The following DTD1 variants were observed in gnomAD, a reference collection of about 807,000 sequenced individuals.
DTD1 encodes the protein D-aminoacyl-tRNA deacylase 1, also known as D-tyrosyl-tRNA deacylase 1 homolog.
Under a neutral mutation model 25.6 loss-of-function variants are expected in DTD1, and 13 were observed. That is an observed-to-expected ratio of 0.51 (90% CI 0.33 to 0.81). The LOEUF (loss-of-function observed/expected upper bound fraction) is 0.81, where lower values mean the gene tolerates loss of function less well. DTD1 is among the 30% of genes least tolerant of loss of function. DTD1 has a pLI of 0.02. For missense variants in DTD1, 193 were observed against 266.4 expected (o/e 0.72, Z 1.92); for synonymous variants, 110 against 103.6 (o/e 1.06, Z -0.37).
intron 4 of DTD1, among the ~76,000 whole-genome samples, chr20:18,669,647 C>T (rs1361700468): frequency 1.3e-5 from 2 of 152,250 alleles, no homozygotes; most frequent in South Asian, 2.1e-4. Context: ...TCACTCACCC[C>T]TCTCCCCAGC....
At chr20:18,723,019 A>T (rs192277113) in intron 4 of DTD1, among the ~76,000 whole-genome samples, 1 of 152,244 alleles carries the variant, frequency 6.6e-6, no homozygotes, top group African/African-American at 2.4e-5. Context: ...TCAGTTAATG[A>T]TATGAAGTTT....
At chr20:18,697,542 AG>A (rs1226093321) in intron 4 of DTD1, among the ~76,000 whole-genome samples, 1 of 152,238 alleles carries the variant, frequency 6.6e-6, no homozygotes, top group Admixed American at 6.5e-5. Context: ...CATCCCTAAT[AG>A]AAACATTCAA....
At chr20:18,630,123 T>TA (rs11480233) in intron 4 of DTD1, among the ~76,000 whole-genome samples, 83,401 of 151,592 alleles carry the variant, frequency 0.55, 23,505 homozygotes, top group African/African-American at 0.59. Context: ...CTAATGACAT[T>TA]AAAAAAATCA....
intron 4 of DTD1, chr20:18,632,601 TCA>T (rs902098412): frequency 5.1e-6 from 5 of 984,516 alleles, no homozygotes; most frequent in Non-Finnish European, 6.0e-6. Context: ...CTTTTAATTC[TCA>T]GTGTTTTATT....
Position 18,622,298 on chromosome 20 carries a change from T to C in DTD1, c.371-5829T>C, listed in dbSNP as rs553764092. Among the ~76,000 whole-genome samples the C allele has an allele frequency of 3.6e-3, 542 of 152,224 alleles. 2 individuals are homozygous for C. The highest frequency in any genetic ancestry group is 0.012 in the African/African-American group (509 of 41,526). ...CCTCCCTGTGTCCATGTGTTCTCATTGTTCAACTCCCACTTATGACATCTT... is the reference window on the plus strand; with the variant it reads ...CCTCCCTGTGTCCATGTGTTCTCATCGTTCAACTCCCACTTATGACATCTT... On this transcript the variant is annotated intron_variant, in intron 3 of 5. Transcript: ENST00000377452.
intron 5 of DTD1, among the ~76,000 whole-genome samples, chr20:18,746,903 TGTGCAG>T (rs2061302470): frequency 6.6e-6 from 1 of 152,246 alleles, no homozygotes; most frequent in South Asian, 2.1e-4. Flanking sequence ...CTGCTAGTGT[TGTGCAG>T]GGAGACAACA....
intron 4 of DTD1, among the ~76,000 whole-genome samples, chr20:18,708,262 A>ATATATT (rs1568676829): frequency 2.8e-5 from 1 of 35,654 alleles, no homozygotes; most frequent in Non-Finnish European, 5.1e-5. Flanking sequence ...TTATATATAT[A>ATATATT]TTTTATATAT....
intron 1 of DTD1, among the ~76,000 whole-genome samples, chr20:18,589,822 T>C (rs1248420851): frequency 6.6e-6 from 1 of 152,226 alleles, no homozygotes; most frequent in Non-Finnish European, 1.5e-5. Context: ...TTAAGTTATA[T>C]GCTTTCAGTT....
intron 4 of DTD1, among the ~76,000 whole-genome samples, chr20:18,670,384 A>G (rs1278713273): frequency 2.0e-5 from 3 of 152,222 alleles, no homozygotes; most frequent in Non-Finnish European, 4.4e-5. Flanking sequence ...TGAACCCAGG[A>G]GGCGGAGGTT....
intron 4 of DTD1, among the ~76,000 whole-genome samples, chr20:18,737,793 T>C (rs952252080): frequency 1.3e-5 from 2 of 152,262 alleles, no homozygotes; most frequent in Non-Finnish European, 2.9e-5. Context: ...CAGAAAAGGA[T>C]GGACGAATTG....
At chr20:18,631,446 G>C in intron 4 of DTD1, 1 of 985,676 alleles carries the variant, frequency 1.0e-6, no homozygotes, top group Non-Finnish European at 1.2e-6. Flanking sequence ...CTGTCCTCTT[G>C]TTGGTTCTGT....
intron 4 of DTD1, among the ~76,000 whole-genome samples, chr20:18,734,608 A>G (rs1026202406): frequency 9.2e-5 from 14 of 152,250 alleles, no homozygotes; most frequent in Admixed American, 7.8e-4. Context: ...TCAGAGAAAC[A>G]GCCTAAACCA....
At chr20:18,642,043 G>A (rs560856446) in intron 4 of DTD1, among the ~76,000 whole-genome samples, 151 of 152,292 alleles carry the variant, frequency 9.9e-4, no homozygotes, top group Non-Finnish European at 1.7e-3. Context: ...TTTAGTATAT[G>A]GTATAAGGTG....
intron 4 of DTD1, among the ~76,000 whole-genome samples, chr20:18,726,171 G>C (rs1219874376): frequency 1.3e-5 from 2 of 152,144 alleles, no homozygotes; most frequent in African/African-American, 4.8e-5. Flanking sequence ...GTCGCCTCTG[G>C]CATAGTCATT....
intron 4 of DTD1, among the ~76,000 whole-genome samples, chr20:18,659,585 G>C: frequency 6.6e-6 from 1 of 152,058 alleles, no homozygotes; most frequent in Non-Finnish European, 1.5e-5. Context: ...TTTTAAGAAT[G>C]AGTTTATATT....
chr20:18,657,231 A>G (rs2060894452), intron 4 of DTD1, among the ~76,000 whole-genome samples: 1 of 152,222 alleles, frequency 6.6e-6, no homozygotes, highest in African/African-American at 2.4e-5. Flanking sequence ...GGATGCGCTG[A>G]GAGTGCCTAC....
chr20:18,630,957 T>C lies in DTD1; in HGVS notation c.477+2724T>C, dbSNP rs1435858425. Reference sequence around the variant, plus strand: ...GTGCATCCTACCAGGAGGTATGTGGTATTGATTTGTCTTGTTACCTGTGAT... The same window carrying C: ...GTGCATCCTACCAGGAGGTATGTGGCATTGATTTGTCTTGTTACCTGTGAT... On this transcript the variant is annotated intron_variant, in intron 4 of 5. Coordinates refer to ENST00000377452, the MANE Select transcript of DTD1 (RefSeq NM_080820.6). The C allele has an allele frequency of 1.6e-5, 8 of 502,734 alleles. 1 individual carries two copies. In the Middle Eastern group the frequency reaches 3.9e-3, roughly 247 times the overall value. 31.1% of individuals were successfully genotyped at this position (502,734 alleles called of 1,614,324 possible).
At chr20:18,652,402 C>G (rs1185745392) in intron 4 of DTD1, among the ~76,000 whole-genome samples, 1 of 152,228 alleles carries the variant, frequency 6.6e-6, no homozygotes, top group African/African-American at 2.4e-5. Context: ...CAGTCACAAT[C>G]TTGGACAACA....
intron 4 of DTD1, among the ~76,000 whole-genome samples, chr20:18,648,197 A>C (rs547996344): frequency 6.6e-6 from 1 of 152,202 alleles, no homozygotes; most frequent in Non-Finnish European, 1.5e-5. Context: ...TGGGAGGCCA[A>C]CTGCAGGATC....
Sources: allele counts gnomAD v4.1 joint callset (sites outside exome capture counted in the v4.1 genomes callset), GRCh38; gene constraint gnomAD v4.1.1; transcripts MANE v1.5; gene names NCBI Gene and HGNC (gene_info 2026-07-23, HGNC 2026-07-21).